SCHIP1: variants seen among roughly 807,000 people sequenced by gnomAD.
The protein encoded by SCHIP1 is schwannomin interacting protein 1.
SCHIP1 carries 8 observed loss-of-function variants against 29.7 expected under a neutral mutation model. The ratio of observed to expected loss-of-function variants is 0.27; its 90% CI spans 0.16 to 0.49. The LOEUF is 0.49. Among genes scored for constraint, SCHIP1 ranks in the 20% least tolerant of loss-of-function variants. The pLI, the probability that SCHIP1 is intolerant of heterozygous loss-of-function variation, is 0.99. For missense variants in SCHIP1, 193 were observed against 294.6 expected (o/e 0.66, Z 2.52); for synonymous variants, 76 against 94.9 (o/e 0.80, Z 1.16).
At chr3:159,413,030 C>G in the SCHIP1 span, among the ~76,000 whole-genome samples, 1 of 152,184 alleles carries the variant, frequency 6.6e-6, no homozygotes, top group East Asian at 1.9e-4. Context: ...AAAGGGGAAG[C>G]AAACATGTCC....
chr3:159,487,459 ACAGCAG>A, the SCHIP1 span, among the ~76,000 whole-genome samples: 1 of 152,040 alleles, frequency 6.6e-6, no homozygotes, highest in Admixed American at 6.5e-5. Flanking sequence ...CAGGCATAGC[ACAGCAG>A]TGCAGGAGCA....
chr3:159,468,773 A>ATTT, the SCHIP1 span, among the ~76,000 whole-genome samples: 1 of 127,806 alleles, frequency 7.8e-6, no homozygotes, highest in African/African-American at 3.2e-5. Flanking sequence ...ATATATATAT[A>ATTT]TATATTTTTT....
chr3:159,735,976 A>T, the SCHIP1 span, among the ~76,000 whole-genome samples: 8 of 152,066 alleles, frequency 5.3e-5, no homozygotes, highest in African/African-American at 1.9e-4. Flanking sequence ...AATAACACTT[A>T]TGCACGTGGT....
the SCHIP1 span, among the ~76,000 whole-genome samples, chr3:159,693,129 G>A: frequency 1.3e-5 from 2 of 152,118 alleles, no homozygotes; most frequent in Non-Finnish European, 2.9e-5. Flanking sequence ...CAGCAAGGGT[G>A]ATTATATCAC....
chr3:159,748,654 A>G, the SCHIP1 span, among the ~76,000 whole-genome samples: 1 of 152,320 alleles, frequency 6.6e-6, no homozygotes, highest in Non-Finnish European at 1.5e-5. Context: ...TGTGGCTGTA[A>G]CTCACCAAAG....
At chr3:159,748,284 T>TCA in the SCHIP1 span, among the ~76,000 whole-genome samples, 1 of 152,246 alleles carries the variant, frequency 6.6e-6, no homozygotes, top group Non-Finnish European at 1.5e-5. Flanking sequence ...AATTGATGAA[T>TCA]CACAGTATAT....
chr3:159,640,229 C>T, the SCHIP1 span, among the ~76,000 whole-genome samples: 1 of 152,110 alleles, frequency 6.6e-6, no homozygotes, highest in Non-Finnish European at 1.5e-5. Context: ...GTCTGCTCTT[C>T]CAGCATACGG....
chr3:159,576,878 G>T, the SCHIP1 span, among the ~76,000 whole-genome samples: 2 of 152,046 alleles, frequency 1.3e-5, no homozygotes. Context: ...TTTATATTTT[G>T]GTTCTGCCTC....
chr3:159,677,763 T>G, the SCHIP1 span, among the ~76,000 whole-genome samples: 1 of 152,224 alleles, frequency 6.6e-6, no homozygotes, highest in African/African-American at 2.4e-5. Flanking sequence ...CCAGCTGAGC[T>G]GCCTCTTGAT....
intron 2 of SCHIP1, among the ~76,000 whole-genome samples, chr3:159,870,947 C>T (rs773164043): frequency 1.4e-4 from 21 of 151,980 alleles, no homozygotes; most frequent in African/African-American, 3.4e-4. Context: ...TTTGCTTTAA[C>T]GACAGCTTCC....
the SCHIP1 span, among the ~76,000 whole-genome samples, chr3:159,375,475 G>T: frequency 6.6e-6 from 1 of 152,186 alleles, no homozygotes; most frequent in Non-Finnish European, 1.5e-5. Flanking sequence ...GCGTGCTCAC[G>T]CCTGTAATCA....
chr3:159,277,893 C>A, the SCHIP1 span, among the ~76,000 whole-genome samples: 3 of 150,004 alleles, frequency 2.0e-5, no homozygotes, highest in African/African-American at 7.4e-5. Flanking sequence ...CCAGCCTGGA[C>A]AACGAGCAAA....
the SCHIP1 span, among the ~76,000 whole-genome samples, chr3:159,536,502 A>G: frequency 6.6e-6 from 1 of 152,214 alleles, no homozygotes; most frequent in Admixed American, 6.5e-5. Context: ...TCAATGGGTA[A>G]GGGAAAAACC....
chr3:159,278,644 T>C, the SCHIP1 span, among the ~76,000 whole-genome samples: 260 of 152,292 alleles, frequency 1.7e-3, no homozygotes, highest in African/African-American at 6.1e-3. Flanking sequence ...TATTCTTTTA[T>C]AAATTGGGAG....
chr3:159,555,867 T>C, the SCHIP1 span, among the ~76,000 whole-genome samples: 1 of 152,106 alleles, frequency 6.6e-6, no homozygotes. Context: ...TTAAAATTGT[T>C]CTTAACACAT....
the SCHIP1 span, among the ~76,000 whole-genome samples, chr3:159,550,020 G>C: frequency 8.1e-6 from 1 of 123,906 alleles, no homozygotes; most frequent in South Asian, 3.3e-4. Context: ...TCTCTCCACT[G>C]TATATTTGTT....
At chr3:159,870,781 T>C (rs1715174858) in intron 2 of SCHIP1, among the ~76,000 whole-genome samples, 2 of 152,066 alleles carry the variant, frequency 1.3e-5, no homozygotes, top group South Asian at 2.1e-4. Flanking sequence ...ACATTTTTGC[T>C]TGGTTTTAGT....
At chr3:159,617,497 C>T in the SCHIP1 span, among the ~76,000 whole-genome samples, 2 of 151,872 alleles carry the variant, frequency 1.3e-5, no homozygotes, top group African/African-American at 4.9e-5. Flanking sequence ...AAGGAAGAAA[C>T]TTACAGTCTT....
chr3:159,883,000 C>A (rs1183891857), intron 2 of SCHIP1, among the ~76,000 whole-genome samples: 1 of 152,220 alleles, frequency 6.6e-6, no homozygotes. Context: ...GTCAAGGACA[C>A]TTTCTTTCCA....
Sources: gnomAD v4.1 joint callset for allele counts (sites outside exome capture counted in the v4.1 genomes callset) on GRCh38, gnomAD v4.1.1 for gene constraint, MANE v1.5 for transcripts, NCBI Gene and HGNC (gene_info 2026-07-23, HGNC 2026-07-21) for gene names.